SHLD1: variants seen among roughly 807,000 people sequenced by gnomAD.
SHLD1 encodes shieldin complex subunit 1.
Under a neutral mutation model 5.5 loss-of-function variants are expected in SHLD1, and 3 were observed. The ratio of observed to expected loss-of-function variants is 0.54; its 90% CI spans 0.25 to 1.40. The LOEUF (loss-of-function observed/expected upper bound fraction) is 1.40, where lower values mean the gene tolerates loss of function less well. Among genes scored for constraint, SHLD1 ranks in the 40% most tolerant of loss-of-function variants. SHLD1 has a pLI of 0.15. For missense variants in SHLD1, 210 were observed against 244.4 expected (o/e 0.86, Z 0.94); for synonymous variants, 92 against 94.3 (o/e 0.98, Z 0.14).
chr20:5,821,536 A>C (rs535110721), intron 2 of SHLD1, among the ~76,000 whole-genome samples: 82 of 152,174 alleles, frequency 5.4e-4, no homozygotes, highest in African/African-American at 1.9e-3. Flanking sequence ...CAAAACAAAA[A>C]AACTTGATTA....
chr20:5,808,325 G>T (rs780553948), intron 2 of SHLD1, among the ~76,000 whole-genome samples: 5 of 151,852 alleles, frequency 3.3e-5, no homozygotes, highest in African/African-American at 1.2e-4. Flanking sequence ...AGTAATTATT[G>T]TAGATAACTT....
intron 2 of SHLD1, among the ~76,000 whole-genome samples, chr20:5,778,320 G>C (rs1297326886): frequency 2.7e-5 from 4 of 148,810 alleles, no homozygotes; most frequent in East Asian, 2.0e-4. Flanking sequence ...GTAGAGATGA[G>C]GTTTCACCGT....
intron 1 of SHLD1, among the ~76,000 whole-genome samples, chr20:5,753,062 G>T (rs537510145): frequency 6.6e-6 from 1 of 152,230 alleles, no homozygotes; most frequent in South Asian, 2.1e-4. Flanking sequence ...GCCTCCCAAA[G>T]TGCTGGGATT....
rs530553160 is a variant in SHLD1 at position 5,833,679 on chromosome 20, C to CAG, written c.179-29333_179-29332dup. 4.6e-4 allele frequency among the ~76,000 whole-genome samples: 68 copies of CAG among 149,360 alleles called. 1 individual carries two copies. Among genetic ancestry groups the CAG allele is most frequent in the East Asian group, 1.6e-3 (8 of 5,106 alleles). On this transcript the variant is annotated intron_variant, in intron 2 of 2. Coordinates refer to ENST00000303142, the MANE Select transcript of SHLD1 (RefSeq NM_152504.4). Reference sequence around the variant, plus strand: ...AGAGAGAGACAGAGACAGGGAGAGACAGAGAGAGAGAGACAGAGACAGGGA... The same window carrying CAG: ...AGAGAGAGACAGAGACAGGGAGAGACAGAGAGAGAGAGAGACAGAGACAGGGA...
At chr20:5,807,893 TTGTGA>T (rs2087402386) in intron 2 of SHLD1, among the ~76,000 whole-genome samples, 1 of 152,152 alleles carries the variant, frequency 6.6e-6, no homozygotes, top group Admixed American at 6.6e-5. Context: ...GTTGTGACAC[TTGTGA>T]TAAGGTTAGC....
chr20:5,773,105 A>G (rs1211902661), intron 2 of SHLD1, 62 bp downstream of exon 2: 8 of 1,558,198 alleles, frequency 5.1e-6, no homozygotes, highest in Non-Finnish European at 7.1e-6. Context: ...CGGGTGTGTG[A>G]TAGTTTGTTT....
chr20:5,786,347 C>T (rs1323233064), intron 2 of SHLD1, among the ~76,000 whole-genome samples: 3 of 152,082 alleles, frequency 2.0e-5, no homozygotes, highest in South Asian at 2.1e-4. Context: ...GAAGCCGAGA[C>T]GGGAGGTTCG....
At chr20:5,770,741 A>G (rs1469447224) in intron 1 of SHLD1, among the ~76,000 whole-genome samples, 2 of 152,186 alleles carry the variant, frequency 1.3e-5, no homozygotes, top group Non-Finnish European at 2.9e-5. Flanking sequence ...GTCTGCATCC[A>G]TTGCTGTTGA....
At chr20:5,752,434 A>C (rs1288123195) in intron 1 of SHLD1, among the ~76,000 whole-genome samples, 2 of 151,698 alleles carry the variant, frequency 1.3e-5, no homozygotes, top group African/African-American at 4.8e-5. Flanking sequence ...TAGATGGTAA[A>C]TGTCTCTTTT....
chr20:5,833,164 G>T (rs2087749928), intron 2 of SHLD1, among the ~76,000 whole-genome samples: 1 of 152,126 alleles, frequency 6.6e-6, no homozygotes, highest in Non-Finnish European at 1.5e-5. Context: ...AGACTCCTCG[G>T]CTTCTCTCCT....
At chr20:5,833,034 G>C (rs180793563) in intron 2 of SHLD1, among the ~76,000 whole-genome samples, 9 of 151,678 alleles carry the variant, frequency 5.9e-5, no homozygotes, top group African/African-American at 2.2e-4. Context: ...CATGGCTGAC[G>C]TGTCCTCCTT....
chr20:5,775,783 C>T (rs1280477436), intron 2 of SHLD1, among the ~76,000 whole-genome samples: 1 of 152,042 alleles, frequency 6.6e-6, no homozygotes, highest in East Asian at 1.9e-4. Context: ...GATAACAGCA[C>T]CTCCTTGTTG....
At chr20:5,765,715 T>C (rs1984789757) in intron 1 of SHLD1, among the ~76,000 whole-genome samples, 1 of 151,712 alleles carries the variant, frequency 6.6e-6, no homozygotes, top group Non-Finnish European at 1.5e-5. Context: ...TCTGGTTTTT[T>C]ACTTCCGTAC....
chr20:5,789,558 C>T lies in SHLD1; in HGVS notation c.178+16515C>T, dbSNP rs1600123896. 7.9e-5 allele frequency among the ~76,000 whole-genome samples: 9 copies of T among 113,242 alleles called. No homozygotes were observed. The South Asian group carries it at 2.4e-3, about 31-fold the overall frequency. The allele number at this position is 113,242 out of a possible 152,430, so 74.3% of individuals were successfully genotyped here. ...TGCCATTGCACTCCAGCCTGGGTGA[C>T]AAGAGCAAAACTTGATCTAAAAAAA... On this transcript the variant is annotated intron_variant, in intron 2 of 2. Transcript: ENST00000303142.
At chr20:5,757,167 T>C (rs1445822336) in intron 1 of SHLD1, among the ~76,000 whole-genome samples, 3 of 147,398 alleles carry the variant, frequency 2.0e-5, no homozygotes, top group Non-Finnish European at 4.4e-5. Context: ...GCCTCCTGGG[T>C]TCAAGTGATT....
At chr20:5,795,827 A>G (rs1310344572) in intron 2 of SHLD1, among the ~76,000 whole-genome samples, 2 of 149,614 alleles carry the variant, frequency 1.3e-5, no homozygotes, top group Middle Eastern at 3.4e-3. Flanking sequence ...TAAAAATACA[A>G]AAAAAAAATT....
chr20:5,797,431 G>A (rs400121), intron 2 of SHLD1, among the ~76,000 whole-genome samples: 2,879 of 152,096 alleles, frequency 0.019, 86 homozygotes, highest in African/African-American at 0.065. Flanking sequence ...GCATGGTGAC[G>A]AGTGCCTGTA....
chr20:5,827,894 C>T (rs970186200), intron 2 of SHLD1, among the ~76,000 whole-genome samples: 24 of 86,228 alleles, frequency 2.8e-4, no homozygotes, highest in African/African-American at 6.7e-4. Flanking sequence ...AGATCATTCA[C>T]TCTTGTGGGT....
At chr20:5,808,515 T>C (rs1037928817) in intron 2 of SHLD1, among the ~76,000 whole-genome samples, 1 of 152,250 alleles carries the variant, frequency 6.6e-6, no homozygotes, top group Admixed American at 6.5e-5. Flanking sequence ...CACTTATTGC[T>C]ATAATAAGGC....
Sources: allele counts gnomAD v4.1 joint callset (sites outside exome capture counted in the v4.1 genomes callset), GRCh38; gene constraint gnomAD v4.1.1; transcripts MANE v1.5; gene names NCBI Gene and HGNC (gene_info 2026-07-23, HGNC 2026-07-21).